Variants in DCC observed in about 807,000 individuals in gnomAD.
DCC encodes DCC netrin 1 receptor.
A neutral mutation model predicts 172.5 loss-of-function variants in DCC; 58 were observed. The observed-to-expected ratio is 0.34, with a 90% CI of 0.27 to 0.42. The LOEUF (loss-of-function observed/expected upper bound fraction) is 0.42, where lower values mean the gene tolerates loss of function less well. Ranked by LOEUF, DCC falls within the 10% of genes least tolerant of loss-of-function variation. DCC has a pLI of 1.00. For synonymous variants in DCC, 709 were observed against 644.5 expected (o/e 1.10, Z -1.52); for missense variants, 1,740 against 1,791.0 (o/e 0.97, Z 0.51).
intron 27 of DCC, among the ~76,000 whole-genome samples, chr18:53,503,356 G>A (rs1412312451): frequency 6.6e-6 from 1 of 152,010 alleles, no homozygotes; most frequent in Non-Finnish European, 1.5e-5. Context: ...AGACTCTAGG[G>A]TATTTATGGT....
At chr18:53,475,079 C>G (rs145439783) in intron 25 of DCC, among the ~76,000 whole-genome samples, 2 of 152,224 alleles carry the variant, frequency 1.3e-5, no homozygotes, top group South Asian at 4.1e-4. Context: ...TGGAACTGAA[C>G]TTGAGAGAGA....
intron 5 of DCC, among the ~76,000 whole-genome samples, chr18:52,988,880 A>G (rs764331593): frequency 1.3e-5 from 2 of 152,104 alleles, no homozygotes; most frequent in Non-Finnish European, 2.9e-5. Context: ...CTATGAATTG[A>G]CTTGTAAATG....
At chr18:52,718,815 G>A (rs2036429607) in intron 1 of DCC, among the ~76,000 whole-genome samples, 3 of 152,040 alleles carry the variant, frequency 2.0e-5, no homozygotes, top group Non-Finnish European at 2.9e-5. Flanking sequence ...TTTCTTCTTC[G>A]GTAACTTTGT....
intron 8 of DCC, among the ~76,000 whole-genome samples, chr18:53,169,415 T>C (rs2054977027): frequency 6.6e-6 from 1 of 152,186 alleles, no homozygotes; most frequent in Admixed American, 6.5e-5. Context: ...TCAGACTTCG[T>C]ATATTTGATG....
At chr18:53,426,326 AATTTTATGATATATATTTATAATAT>A (rs1238714406) in intron 21 of DCC, among the ~76,000 whole-genome samples, 1 of 143,056 alleles carries the variant, frequency 7.0e-6, no homozygotes, top group Non-Finnish European at 1.5e-5. Flanking sequence ...TATATTTATA[AATTTTATGATATATATTTATAATAT>A]ATTTTATGAT....
chr18:52,522,722 T>C (rs962298515), intron 1 of DCC, among the ~76,000 whole-genome samples: 3 of 152,298 alleles, frequency 2.0e-5, no homozygotes, highest in South Asian at 2.1e-4. Context: ...CATAGCTAGA[T>C]TAATGTATAG....
chr18:52,407,143 C>T (rs1373438044), intron 1 of DCC, among the ~76,000 whole-genome samples: 1 of 151,978 alleles, frequency 6.6e-6, no homozygotes, highest in Admixed American at 6.6e-5. Context: ...TTATTAACAA[C>T]CACTTATTTT....
At chr18:53,020,358 C>A (rs1188406093) in intron 5 of DCC, among the ~76,000 whole-genome samples, 1 of 151,988 alleles carries the variant, frequency 6.6e-6, no homozygotes, top group Admixed American at 6.6e-5. Context: ...AAGGAGAGAT[C>A]AACAAATTAT....
intron 1 of DCC, among the ~76,000 whole-genome samples, chr18:52,524,687 G>A (rs554933471): frequency 1.3e-3 from 204 of 152,230 alleles, no homozygotes; most frequent in African/African-American, 4.7e-3. Flanking sequence ...ATGAACAGTG[G>A]AGCCAAAGGG....
At chr18:53,159,565 G>T (rs1311360663) in intron 8 of DCC, among the ~76,000 whole-genome samples, 1 of 152,134 alleles carries the variant, frequency 6.6e-6, no homozygotes, top group South Asian at 2.1e-4. Flanking sequence ...AAATGTGACT[G>T]GTTCTTAAAT....
chr18:53,480,279 G>A (rs1249066128), intron 25 of DCC, among the ~76,000 whole-genome samples: 5 of 152,190 alleles, frequency 3.3e-5, no homozygotes, highest in African/African-American at 1.2e-4. Flanking sequence ...AGCTCCTGCT[G>A]TGGCAAGCAC....
At chr18:53,165,353 G>A (rs1406786086) in intron 8 of DCC, among the ~76,000 whole-genome samples, 1 of 152,128 alleles carries the variant, frequency 6.6e-6, no homozygotes, top group Non-Finnish European at 1.5e-5. Context: ...TGACATGGAG[G>A]ATTCCTTTTA....
chr18:53,175,117 A>T (rs1003294008), intron 8 of DCC, among the ~76,000 whole-genome samples: 1 of 152,158 alleles, frequency 6.6e-6, no homozygotes, highest in East Asian at 1.9e-4. Context: ...CCTTTGACAA[A>T]ATTCAAGAAC....
In DCC at chr18:52,701,679, C is replaced by T. The variant is rs146972201; in HGVS notation, c.92-50375C>T. On this transcript the variant is annotated intron_variant, in intron 1 of 28. Coordinates refer to ENST00000442544, the MANE Select transcript of DCC (RefSeq NM_005215.4). ...GTTCATGCTTCTATTCCTTATCTAC[C>T]ATGAGGCACAGAATTCTTGTTTAAT... Among the ~76,000 whole-genome samples, 192 of 149,974 alleles carry T rather than the reference C, an allele frequency of 1.3e-3. 1 individual carries two copies. The highest frequency in any genetic ancestry group is 3.4e-3 in the Middle Eastern group (1 of 290).
chr18:53,226,128 G>A (rs1317371085), intron 12 of DCC, among the ~76,000 whole-genome samples: 1 of 152,186 alleles, frequency 6.6e-6, no homozygotes, highest in Non-Finnish European at 1.5e-5. Flanking sequence ...AGGGACTTGA[G>A]CCCCAGCCAG....
At chr18:52,342,162 T>G (rs1459871379) in intron 1 of DCC, among the ~76,000 whole-genome samples, 1 of 152,032 alleles carries the variant, frequency 6.6e-6, no homozygotes, top group African/African-American at 2.4e-5. Flanking sequence ...AGCCCGAGGC[T>G]CCCCAAAGCC....
intron 5 of DCC, among the ~76,000 whole-genome samples, chr18:52,991,364 G>T (rs1233066278): frequency 6.6e-6 from 1 of 152,120 alleles, no homozygotes; most frequent in Non-Finnish European, 1.5e-5. Flanking sequence ...TCCAAGTTAT[G>T]TTGGACAGAG....
At chr18:53,422,955 A>C (rs1380181634) in intron 21 of DCC, among the ~76,000 whole-genome samples, 2 of 152,160 alleles carry the variant, frequency 1.3e-5, no homozygotes, top group Admixed American at 6.5e-5. Flanking sequence ...GTAAATTAGG[A>C]CTGTGGTGAA....
intron 2 of DCC, chr18:52,757,055 C>A (rs549074275): frequency 9.9e-4 from 151 of 152,248 alleles, no homozygotes; most frequent in African/African-American, 3.2e-3. Flanking sequence ...CACAAACTGG[C>A]AAGCCTGAAT....
Sources: allele counts gnomAD v4.1 joint callset (sites outside exome capture counted in the v4.1 genomes callset), GRCh38; gene constraint gnomAD v4.1.1; transcripts MANE v1.5; gene names NCBI Gene and HGNC (gene_info 2026-07-23, HGNC 2026-07-21).